Variants in KIRREL3 observed in about 807,000 individuals in gnomAD.
KIRREL3 encodes kirre like nephrin family adhesion molecule 3.
Under a neutral mutation model 89.7 loss-of-function variants are expected in KIRREL3, and 36 were observed. That is an observed-to-expected ratio of 0.40 (90% confidence interval 0.31 to 0.53). KIRREL3 has a LOEUF of 0.53. KIRREL3 is among the 20% of genes least tolerant of loss of function. The pLI is 0.49. For synonymous variants in KIRREL3, 445 were observed against 441.4 expected, an observed-to-expected ratio of 1.01 and a Z score of -0.10; for missense variants, 864 against 1,056.6, an observed-to-expected ratio of 0.82 and a Z score of 2.53.
chr11:126,821,572 A>G (rs1943228926), intron 1 of KIRREL3, among the ~76,000 whole-genome samples: 1 of 151,984 alleles, frequency 6.6e-6, no homozygotes, highest in Admixed American at 6.6e-5. Context: ...AGGCAGAATA[A>G]TGTACCCCCT....
At chr11:126,567,448 T>C (rs917105373) in intron 1 of KIRREL3, among the ~76,000 whole-genome samples, 9 of 152,204 alleles carry the variant, frequency 5.9e-5, no homozygotes, top group Non-Finnish European at 1.2e-4. Flanking sequence ...TACATTTCTG[T>C]TGTTTAAGCC....
At position 126,676,648 on chromosome 11, in the gene KIRREL3, T is replaced by C. The variant is rs1404608582; in HGVS notation, c.56-113736A>G. ...CTCAGACGTGGTCCTGGACTCTCCT[T>C]GCCTGGACTTGAGGTAACTGCCTTG... On this transcript the variant is annotated intron_variant, in intron 1 of 16. Transcript: ENST00000525144. The surrounding 1 kb of genome is among the most constrained non-coding windows in gnomAD (Gnocchi z 4.5). Among the ~76,000 whole-genome samples the C allele has an allele frequency of 6.6e-6, 1 of 152,174 alleles. No individual in the cohort carries two copies. The highest frequency in any genetic ancestry group is 1.5e-5 in the Non-Finnish European group (1 of 68,034).
intron 1 of KIRREL3, among the ~76,000 whole-genome samples, chr11:126,731,352 T>C (rs182688266): frequency 1.3e-5 from 2 of 152,296 alleles, no homozygotes; most frequent in Admixed American, 1.3e-4. Flanking sequence ...CCAGGGTCCA[T>C]CCCGCTGTGT....
intron 1 of KIRREL3, among the ~76,000 whole-genome samples, chr11:126,790,715 C>T (rs1002768894): frequency 2.0e-5 from 3 of 152,042 alleles, no homozygotes; most frequent in Non-Finnish European, 2.9e-5. Flanking sequence ...AGAGTGATTT[C>T]CAACCCTAAT....
chr11:126,733,433 C>A (rs897849902), intron 1 of KIRREL3, among the ~76,000 whole-genome samples: 1 of 152,166 alleles, frequency 6.6e-6, no homozygotes, highest in African/African-American at 2.4e-5. Flanking sequence ...ATGCAATGCG[C>A]TGGGGAGATG....
chr11:126,806,363 C>A (rs1300581034), intron 1 of KIRREL3, among the ~76,000 whole-genome samples: 2 of 152,196 alleles, frequency 1.3e-5, no homozygotes, highest in Non-Finnish European at 2.9e-5. Context: ...GGCTAGCAGT[C>A]ATCTTCTCCT....
intron 1 of KIRREL3, among the ~76,000 whole-genome samples, chr11:126,746,135 G>A (rs1242351781): frequency 6.6e-6 from 1 of 152,152 alleles, no homozygotes; most frequent in Non-Finnish European, 1.5e-5. Flanking sequence ...GGTCCATAGA[G>A]ATTTTCTTAA....
intron 1 of KIRREL3, among the ~76,000 whole-genome samples, chr11:126,921,965 ATC>A (rs1947343391): frequency 1.8e-5 from 1 of 54,272 alleles, no homozygotes; most frequent in African/African-American, 8.7e-5. Context: ...GTATATCTAT[ATC>A]TATCTATCTA....
chr11:126,544,536 C>T lies in KIRREL3; in HGVS notation c.134-17849G>A, dbSNP rs56285123. Among the ~76,000 whole-genome samples the T allele has an allele frequency of 0.031, 4,695 of 152,144 alleles. 108 individuals carry two copies. The highest frequency in any genetic ancestry group is 0.065 in the Middle Eastern group (19 of 294). ...GTCTGGGACTGGGGGTGGGACTGCCCGGGGCTACCTGGGGCTATGGAAGGG... is the reference window on the plus strand; with the variant it reads ...GTCTGGGACTGGGGGTGGGACTGCCTGGGGCTACCTGGGGCTATGGAAGGG... On this transcript the variant is annotated intron_variant, in intron 2 of 16. Transcript: ENST00000525144. The surrounding 1 kb of genome is among the most constrained non-coding windows in gnomAD (Gnocchi z 5.6).
rs1477703063 is a variant in KIRREL3 at position 126,515,680 on chromosome 11, G to A, written c.433+5635C>T. On this transcript the variant is annotated intron_variant, in intron 4 of 16. Transcript: ENST00000525144. This position sits in a 1 kb window ranked among gnomAD's most constrained non-coding sequence, Gnocchi z 4.2. ...AGATGCCAGCTGCTTGTTAGTGCGG[G>A]AGCAGGTTGGCGGTGGGTCTGAGGC... 6.6e-6 allele frequency among the ~76,000 whole-genome samples: 1 copy of A among 152,168 alleles called. No homozygotes were observed. The highest frequency in any genetic ancestry group is 1.5e-5 in the Non-Finnish European group (1 of 68,022).
rs1045218540 is a variant in KIRREL3, at chr11:126,904,882, A to G, written c.55+95573T>C. ...GTAAAAATGTTCTTTGATGGTATCT[A>G]GGACAACTCCAAGTATAGCTAAGTA... On this transcript the variant is annotated intron_variant, in intron 1 of 16. Coordinates refer to ENST00000525144, the MANE Select transcript of KIRREL3 (RefSeq NM_032531.4). The surrounding 1 kb of genome is among the most constrained non-coding windows in gnomAD (Gnocchi z 4.4). Among the ~76,000 whole-genome samples, 7 of 152,352 alleles carry G rather than the reference A, an allele frequency of 4.6e-5. No individual in the cohort carries two copies. Among genetic ancestry groups the G allele is most frequent in the African/African-American group, 1.7e-4 (7 of 41,582 alleles).
chr11:126,552,549 A>AG (rs1939349763), intron 2 of KIRREL3, among the ~76,000 whole-genome samples: 1 of 67,924 alleles, frequency 1.5e-5, no homozygotes. Context: ...GAGAGAGAAA[A>AG]GTTTTTTTTT....
chr11:126,621,523 T>G (rs1256469602), intron 1 of KIRREL3, among the ~76,000 whole-genome samples: 1 of 152,252 alleles, frequency 6.6e-6, no homozygotes, highest in Non-Finnish European at 1.5e-5. Flanking sequence ...AGTAGATCCA[T>G]GTATAAAATA....
At chr11:126,572,688 G>A (rs752704808) in intron 1 of KIRREL3, among the ~76,000 whole-genome samples, 13 of 152,184 alleles carry the variant, frequency 8.5e-5, no homozygotes, top group Non-Finnish European at 1.9e-4. Context: ...CTTTCTCAGG[G>A]ACTGGAGAGG....
rs1239560476 is a variant in KIRREL3, at chr11:126,776,870, T to C, written c.56-213958A>G. On this transcript the variant is annotated intron_variant, in intron 1 of 16. Coordinates refer to ENST00000525144, the MANE Select transcript of KIRREL3 (RefSeq NM_032531.4). This position sits in a 1 kb window ranked among gnomAD's most constrained non-coding sequence, Gnocchi z 4.7. The stretch of plus-strand genomic sequence containing the variant: ...CCAGCTTTCCTGGCCCTGCCTGGGG[T>C]AGTCCAAATGGAGTGCAGGAGACCG... Among the ~76,000 whole-genome samples, 3 of 152,270 alleles carry C rather than the reference T, an allele frequency of 2.0e-5. No individual in the cohort carries two copies. The East Asian group carries it at 5.8e-4, about 29-fold the overall frequency.
chr11:126,436,341 C>T lies in KIRREL3; in HGVS notation c.1552+470G>A, dbSNP rs1348580376. Among the ~76,000 whole-genome samples, 5 of 152,252 alleles carry T rather than the reference C, an allele frequency of 3.3e-5. No individual in the cohort carries two copies. The East Asian group carries it at 9.6e-4, about 29-fold the overall frequency. ...CTCTGTGGGACTTGTGTCTGAGTAA[C>T]TGGATGGGCTTGTCATCTTAACTGT... On this transcript the variant is annotated intron_variant, in intron 12 of 16. Coordinates refer to ENST00000525144, the MANE Select transcript of KIRREL3 (RefSeq NM_032531.4).
chr11:126,539,827 C>G (rs1010118710), intron 2 of KIRREL3, among the ~76,000 whole-genome samples: 1 of 152,156 alleles, frequency 6.6e-6, no homozygotes, highest in African/African-American at 2.4e-5. Context: ...ATGGGTCAGG[C>G]AGTAGGAGAA....
chr11:126,911,260 C>T (rs1177899033), intron 1 of KIRREL3, among the ~76,000 whole-genome samples: 1 of 152,226 alleles, frequency 6.6e-6, no homozygotes, highest in African/African-American at 2.4e-5. Context: ...TGCTGAGACT[C>T]TTCTTTGAAA....
chr11:126,693,773 A>G (rs1336369331), intron 1 of KIRREL3, among the ~76,000 whole-genome samples: 2 of 152,268 alleles, frequency 1.3e-5, no homozygotes, highest in Non-Finnish European at 1.5e-5. Flanking sequence ...CGCATCTGGT[A>G]GCAGAGAAAA....
Sources: gnomAD v4.1 joint callset for allele counts (sites outside exome capture counted in the v4.1 genomes callset) on GRCh38, gnomAD v4.1.1 for gene constraint, Gnocchi (gnomAD v3.1) non-coding constraint, MANE v1.5 for transcripts, NCBI Gene and HGNC (gene_info 2026-07-23, HGNC 2026-07-21) for gene names.